The following GFOD1 variants were observed in gnomAD, a reference collection of about 807,000 sequenced individuals.
The protein encoded by GFOD1 is glucose-fructose oxidoreductase domain-containing protein 1.
Under a neutral mutation model 25.4 loss-of-function variants are expected in GFOD1, and 9 were observed. That is an observed-to-expected ratio of 0.35 (90% CI 0.21 to 0.62). GFOD1 has a LOEUF of 0.62. Among genes scored for constraint, GFOD1 ranks in the 20% least tolerant of loss-of-function variants. GFOD1 has a pLI of 0.72. For synonymous variants in GFOD1, 253 were observed against 245.6 expected, an observed-to-expected ratio of 1.03 and a Z score of -0.28; for missense variants, 403 against 556.9, an observed-to-expected ratio of 0.72 and a Z score of 2.78.
chr6:13,381,920 C>CGT (rs1298820623), intron 1 of GFOD1, among the ~76,000 whole-genome samples: 8 of 51,932 alleles, frequency 1.5e-4, no homozygotes, highest in East Asian at 5.3e-4. Context: ...CGCGCGCACA[C>CGT]ACACACACAC....
intron 1 of GFOD1, among the ~76,000 whole-genome samples, chr6:13,458,001 C>T (rs977512820): frequency 2.8e-4 from 43 of 152,358 alleles, no homozygotes; most frequent in Middle Eastern, 3.4e-3. Flanking sequence ...TCCAAAAGCT[C>T]ATGTTTGAAC....
Position 13,430,673 on chromosome 6 carries a change from G to T in GFOD1, c.253+55965C>A, listed in dbSNP as rs112312465. ...CTCTTGGAGTCCACCTATGGCAGGA[G>T]TAGTGGGACAGCGGGTAGGGAAAAG... On this transcript the variant is annotated intron_variant, in intron 1 of 1. Coordinates refer to ENST00000379287, the MANE Select transcript of GFOD1 (RefSeq NM_018988.4). This position sits in a 1 kb window ranked among gnomAD's most constrained non-coding sequence, Gnocchi z 4.1. Among the ~76,000 whole-genome samples the T allele has an allele frequency of 1.2e-3, 185 of 152,214 alleles. 1 individual carries two copies. The highest frequency in any genetic ancestry group is 4.2e-3 in the African/African-American group (173 of 41,526).
At chr6:13,400,325 C>G (rs1447110597) in intron 1 of GFOD1, among the ~76,000 whole-genome samples, 2 of 152,186 alleles carry the variant, frequency 1.3e-5, no homozygotes, top group African/African-American at 4.8e-5. Context: ...CCCCATCTCT[C>G]CAAAGCTCAG....
Position 13,440,786 on chromosome 6 carries a change from G to A in GFOD1, c.253+45852C>T, listed in dbSNP as rs568252359. On this transcript the variant is annotated intron_variant, in intron 1 of 1. Coordinates refer to ENST00000379287, the MANE Select transcript of GFOD1 (RefSeq NM_018988.4). ...CCTAGTTCACTTCAAGAAATGCAGA[G>A]CTCTTTAAATACTTTAAAATAGTGC... Among the ~76,000 whole-genome samples the A allele has an allele frequency of 1.2e-4, 18 of 152,314 alleles. No individual in the cohort carries two copies. The South Asian group carries it at 3.7e-3, about 32-fold the overall frequency.
intron 1 of GFOD1, among the ~76,000 whole-genome samples, chr6:13,395,608 T>C (rs1462362440): frequency 6.6e-6 from 1 of 152,200 alleles, no homozygotes; most frequent in Non-Finnish European, 1.5e-5. Context: ...ATCAGTAAAA[T>C]GTAGACAGCA....
chr6:13,368,105 A>G (rs1785081938), intron 1 of GFOD1, among the ~76,000 whole-genome samples: 1 of 152,260 alleles, frequency 6.6e-6, no homozygotes, highest in Non-Finnish European at 1.5e-5. Context: ...AGCCTGGCAC[A>G]TGGCTTTCTC....
chr6:13,447,997 G>A (rs920146786), intron 1 of GFOD1, among the ~76,000 whole-genome samples: 1 of 148,452 alleles, frequency 6.7e-6, no homozygotes, highest in Non-Finnish European at 1.5e-5. Flanking sequence ...AATTTGGGGT[G>A]GATTTGGAGG....
chr6:13,453,332 G>T (rs943321382), intron 1 of GFOD1, among the ~76,000 whole-genome samples: 1 of 152,152 alleles, frequency 6.6e-6, no homozygotes, highest in Non-Finnish European at 1.5e-5. Context: ...AAAACCCAGA[G>T]CTATTATCAC....
chr6:13,365,314 G>T lies in GFOD1; in HGVS notation c.602C>A (p.Thr201Asn). Residue 201 changes from threonine (T) to asparagine (N), a missense_variant, in exon 2 of 2, where the codon ACC becomes AAC. Coordinates refer to ENST00000379287, the MANE Select transcript of GFOD1 (RefSeq NM_018988.4). This position sits in a 1 kb window ranked among gnomAD's most constrained non-coding sequence, Gnocchi z 9.2. ...KAVKVHGLLK[T>N]FVKQTDHIKG... ...GATGTGGTCAGTCTGCTTCACGAAG[G>T]TCTTGAGCAGCCCGTGGACCTTGAC... 1 of 1,614,214 alleles carries T rather than the reference G, an allele frequency of 6.2e-7. No homozygotes were observed. The highest frequency in any genetic ancestry group is 8.5e-7 in the Non-Finnish European group (1 of 1,180,034).
chr6:13,365,001 G>T lies in GFOD1; in HGVS notation c.915C>A (p.Gly305=). 1 of 1,610,360 alleles carries T rather than the reference G, an allele frequency of 6.2e-7. No individual in the cohort carries two copies. ...GCACCGCCTGCATCATCTTGATGGT[G>T]CCGCGCAGGTAGGGCGAGGGGATGT... ...FSDIPSPYLR[G]TIKMMQAVRQ... The change falls in exon 2 of 2, where the codon GGC becomes GGA. Residue 305 remains glycine, a synonymous_variant. Transcript: ENST00000379287. The surrounding 1 kb of genome is among the most constrained non-coding windows in gnomAD (Gnocchi z 9.2).
intron 1 of GFOD1, among the ~76,000 whole-genome samples, chr6:13,383,999 G>C (rs1785416551): frequency 6.6e-6 from 1 of 152,210 alleles, no homozygotes; most frequent in African/African-American, 2.4e-5. Flanking sequence ...GGCCGAGGCA[G>C]GTGGATCACC....
chr6:13,365,741 T>C lies in GFOD1; in HGVS notation c.254-79A>G, dbSNP rs927429322. On this transcript the variant is annotated intron_variant, in intron 1 of 1. Coordinates refer to ENST00000379287, the MANE Select transcript of GFOD1 (RefSeq NM_018988.4). This position sits in a 1 kb window ranked among gnomAD's most constrained non-coding sequence, Gnocchi z 9.2. The stretch of plus-strand genomic sequence containing the variant: ...CGTCCCTGGGTCAGATCTTAAAATA[T>C]TTCACATTAATAGAAAAAGAAGGTC... 1.9e-6 allele frequency: 2 copies of C among 1,050,712 alleles called. No homozygotes were observed. Among genetic ancestry groups the C allele is most frequent in the African/African-American group, 1.6e-5 (1 of 63,194 alleles). The allele number at this position is 1,050,712 out of a possible 1,614,324, so 65.1% of individuals were successfully genotyped here. A position where few individuals can be genotyped will look rare whatever the true frequency, so the allele number is the denominator to read the frequency against.
chr6:13,398,951 T>C (rs1457047777), intron 1 of GFOD1, among the ~76,000 whole-genome samples: 3 of 152,238 alleles, frequency 2.0e-5, no homozygotes, highest in Admixed American at 1.3e-4. Context: ...CCAGTTACAG[T>C]AACACTGGGC....
chr6:13,404,505 A>T (rs1192543858), intron 1 of GFOD1, among the ~76,000 whole-genome samples: 1 of 152,198 alleles, frequency 6.6e-6, no homozygotes, highest in Non-Finnish European at 1.5e-5. Context: ...TTTTTGCTAC[A>T]GCCAAGGGGG....
chr6:13,433,849 G>A (rs779839857), intron 1 of GFOD1, among the ~76,000 whole-genome samples: 32 of 152,146 alleles, frequency 2.1e-4, no homozygotes, highest in African/African-American at 7.2e-4. Context: ...TCAGAGAGCC[G>A]ACTCTCCCAT....
chr6:13,423,564 T>C (rs1253841121), intron 1 of GFOD1, among the ~76,000 whole-genome samples: 1 of 152,186 alleles, frequency 6.6e-6, no homozygotes, highest in Admixed American at 6.5e-5. Context: ...CGGCTCTCCA[T>C]GAGTGTCGCA....
intron 1 of GFOD1, among the ~76,000 whole-genome samples, chr6:13,460,103 C>T (rs555380909): frequency 1.4e-4 from 21 of 152,272 alleles, no homozygotes; most frequent in Non-Finnish European, 2.5e-4. Flanking sequence ...CACTGCACTC[C>T]AGCTTGGGAG....
At chr6:13,426,335 G>C (rs9395768) in intron 1 of GFOD1, among the ~76,000 whole-genome samples, 88,632 of 152,132 alleles carry the variant, frequency 0.58, 29,835 homozygotes, top group Non-Finnish European at 0.74. Context: ...ACAGAAACAG[G>C]CGTCAATGGG....
chr6:13,456,427 G>A (rs985626338), intron 1 of GFOD1, among the ~76,000 whole-genome samples: 4 of 152,020 alleles, frequency 2.6e-5, no homozygotes, highest in Non-Finnish European at 5.9e-5. Flanking sequence ...CACCCGCCTC[G>A]ACTTCCCAAA....
Sources: gnomAD v4.1 joint callset for allele counts (sites outside exome capture counted in the v4.1 genomes callset) on GRCh38, gnomAD v4.1.1 for gene constraint, Gnocchi (gnomAD v3.1) non-coding constraint, MANE v1.5 for transcripts, NCBI Gene and HGNC (gene_info 2026-07-23, HGNC 2026-07-21) for gene names.